JPH1: variants seen among roughly 807,000 people sequenced by gnomAD.
JPH1 encodes junctophilin 1.
Under a neutral mutation model 53.6 loss-of-function variants are expected in JPH1, and 12 were observed. That is an observed-to-expected ratio of 0.22 (90% CI 0.14 to 0.36). The LOEUF is 0.36. Among genes scored for constraint, JPH1 ranks in the 10% least tolerant of loss-of-function variants. The pLI is 1.00. For missense variants in JPH1, 808 were observed against 905.5 expected (o/e 0.89, Z 1.38); for synonymous variants, 375 against 363.8 (o/e 1.03, Z -0.35).
chr8:74,251,564 G>A (rs531403630), intron 3 of JPH1, among the ~76,000 whole-genome samples: 239 of 152,112 alleles, frequency 1.6e-3, no homozygotes, highest in African/African-American at 5.6e-3. Flanking sequence ...TTAACCCTTT[G>A]GGGGAGAAAG....
intron 2 of JPH1, among the ~76,000 whole-genome samples, chr8:74,269,175 G>A (rs920786455): frequency 3.3e-5 from 5 of 152,144 alleles, no homozygotes; most frequent in Non-Finnish European, 5.9e-5. Context: ...CCCAACTAGC[G>A]AAGAACAAAA....
chr8:74,256,371 A>G (rs548277442), intron 3 of JPH1, among the ~76,000 whole-genome samples: 2 of 151,110 alleles, frequency 1.3e-5, no homozygotes, highest in Admixed American at 1.3e-4. Flanking sequence ...GAAGGGGAAC[A>G]TCACACACCG....
chr8:74,245,583 A>G (rs190952731), intron 3 of JPH1, among the ~76,000 whole-genome samples: 1 of 152,348 alleles, frequency 6.6e-6, no homozygotes, highest in African/African-American at 2.4e-5. Flanking sequence ...GTAAGAGGAG[A>G]ACCTGTAGAT....
At chr8:74,274,081 A>C (rs1471747536) in intron 2 of JPH1, among the ~76,000 whole-genome samples, 1 of 152,226 alleles carries the variant, frequency 6.6e-6, no homozygotes, top group African/African-American at 2.4e-5. Flanking sequence ...CGGCAAATGC[A>C]TGTGGCACCT....
intron 2 of JPH1, among the ~76,000 whole-genome samples, chr8:74,259,991 T>C (rs1806345403): frequency 6.6e-6 from 1 of 152,236 alleles, no homozygotes; most frequent in Admixed American, 6.5e-5. Flanking sequence ...TGGGGATTGG[T>C]AGTGTTTATT....
intron 3 of JPH1, among the ~76,000 whole-genome samples, chr8:74,255,846 C>T (rs1307336769): frequency 1.3e-5 from 2 of 152,126 alleles, no homozygotes; most frequent in African/African-American, 4.8e-5. Flanking sequence ...AATGAGATAC[C>T]ATCTCACACC....
intron 2 of JPH1, among the ~76,000 whole-genome samples, chr8:74,311,860 T>C (rs1357288620): frequency 6.6e-6 from 1 of 152,174 alleles, no homozygotes; most frequent in Non-Finnish European, 1.5e-5. Context: ...TCATCATTTT[T>C]TATGGCTGCA....
intron 2 of JPH1, among the ~76,000 whole-genome samples, chr8:74,265,072 C>G (rs1411282477): frequency 6.6e-6 from 1 of 152,150 alleles, no homozygotes; most frequent in Non-Finnish European, 1.5e-5. Context: ...ATCAGGAATT[C>G]TATCATGTAT....
chr8:74,295,877 T>C (rs1360367870), intron 2 of JPH1, among the ~76,000 whole-genome samples: 2 of 152,154 alleles, frequency 1.3e-5, no homozygotes, highest in Non-Finnish European at 2.9e-5. Context: ...TCATTGGTTT[T>C]AGCTCAAACC....
chr8:74,313,254 A>G (rs1026686968), intron 2 of JPH1, among the ~76,000 whole-genome samples: 3 of 152,214 alleles, frequency 2.0e-5, no homozygotes, highest in African/African-American at 7.2e-5. Flanking sequence ...TAGGTCTAAA[A>G]GTAAGCCAGC....
intron 2 of JPH1, among the ~76,000 whole-genome samples, chr8:74,261,322 G>A (rs1351466082): frequency 6.6e-6 from 1 of 152,138 alleles, no homozygotes; most frequent in Admixed American, 6.5e-5. Context: ...AATAATAGGG[G>A]ATATTGTGTG....
intron 3 of JPH1, among the ~76,000 whole-genome samples, chr8:74,251,708 GT>G (rs773089957): frequency 2.0e-5 from 3 of 151,920 alleles, no homozygotes; most frequent in African/African-American, 7.3e-5. Flanking sequence ...AAGAGGCTAT[GT>G]TTTTTCTTTA....
intron 2 of JPH1, among the ~76,000 whole-genome samples, chr8:74,306,378 G>GA (rs1807834249): frequency 1.3e-5 from 2 of 152,076 alleles, no homozygotes; most frequent in Admixed American, 1.3e-4. Flanking sequence ...AAAGAGCCCA[G>GA]AAAAAATGTG....
intron 2 of JPH1, among the ~76,000 whole-genome samples, chr8:74,270,267 A>G (rs1032444232): frequency 6.6e-6 from 1 of 152,204 alleles, no homozygotes; most frequent in African/African-American, 2.4e-5. Context: ...GCCTTCCCCA[A>G]ATCACCAAAT....
At chr8:74,268,554 T>C (rs1352603151) in intron 2 of JPH1, among the ~76,000 whole-genome samples, 2 of 152,086 alleles carry the variant, frequency 1.3e-5, no homozygotes, top group Admixed American at 1.3e-4. Context: ...TATTTAAAAA[T>C]GGATGCATAT....
rs1808132142 is a variant in JPH1 at position 74,315,554 on chromosome 8, T to C, written c.446A>G (p.Tyr149Cys). 1.2e-6 allele frequency: 2 copies of C among 1,606,126 alleles called. No homozygotes were observed. Among genetic ancestry groups the C allele is most frequent in the African/African-American group, 1.3e-5 (1 of 74,952 alleles). Residue 149 changes from tyrosine to cysteine, a missense_variant, in exon 2 of 6, where the codon TAC becomes TGC. Around this residue, in one of 2 missense-constraint regions of JPH1, gnomAD observed 756 missense variants for 811.9 expected, o/e 0.93. Coordinates refer to ENST00000342232, the MANE Select transcript of JPH1 (RefSeq NM_020647.4). This position sits in a 1 kb window ranked among gnomAD's most constrained non-coding sequence, Gnocchi z 6.3. ...HGYGVRQSVP[Y>C]GMATVIRSPL... is the part of the protein sequence containing the mutation. ...TGAGCGGATCACCGTGGCCATGCCG[T>C]AGGGCACGCTCTGGCGCACGCCGTA...
intron 2 of JPH1, among the ~76,000 whole-genome samples, chr8:74,282,934 C>T (rs1024039118): frequency 2.8e-4 from 42 of 152,086 alleles, no homozygotes; most frequent in African/African-American, 9.2e-4. Context: ...TAAATATGTA[C>T]AATTATATGT....
intron 1 of JPH1, among the ~76,000 whole-genome samples, chr8:74,316,504 T>C (rs532616036): frequency 6.6e-6 from 1 of 152,308 alleles, no homozygotes; most frequent in East Asian, 1.9e-4. Flanking sequence ...TGTTTGTGGA[T>C]GGAGGGTGTT....
At chr8:74,305,988 T>A (rs115009473) in intron 2 of JPH1, among the ~76,000 whole-genome samples, 132 of 152,122 alleles carry the variant, frequency 8.7e-4, no homozygotes, top group African/African-American at 3.0e-3. Flanking sequence ...TTGGGAGGGC[T>A]GGAGAAAGAG....
Sources: allele counts gnomAD v4.1 joint callset (sites outside exome capture counted in the v4.1 genomes callset), GRCh38; gene constraint gnomAD v4.1.1; regional missense constraint gnomAD v4.1.1; non-coding constraint Gnocchi (gnomAD v3.1); transcripts MANE v1.5; gene names NCBI Gene and HGNC (gene_info 2026-07-23, HGNC 2026-07-21).